GALNT6: variants seen among roughly 807,000 people sequenced by gnomAD.
The protein encoded by GALNT6 is polypeptide N-acetylgalactosaminyltransferase 6.
GALNT6 carries 51 observed loss-of-function variants against 65.9 expected under a neutral mutation model. That is an observed-to-expected ratio of 0.77 (90% confidence interval 0.62 to 0.98). The LOEUF (loss-of-function observed/expected upper bound fraction) is 0.98, where lower values mean the gene tolerates loss of function less well. Ranked by LOEUF, GALNT6 falls within the 50% of genes least tolerant of loss-of-function variation. GALNT6 has a pLI of 0.00. For missense variants in GALNT6, 708 were observed against 803.3 expected (o/e 0.88, Z 1.43); for synonymous variants, 323 against 315.1 (o/e 1.02, Z -0.26).
rs1946663486 is a variant in GALNT6 at position 51,353,456 on chromosome 12, GCCT to G, written c.*920_*922del. ...GCTGTCTTGGCTCACTGCAACCTCT[GCCT>G]CCTGGGTTCGAGTGATTCTCCTGCC... is the stretch of plus-strand genomic sequence containing the variant. On this transcript the variant is annotated 3_prime_UTR_variant, in exon 12 of 12. Transcript: ENST00000356317. 1 of 149,860 alleles carries G rather than the reference GCCT, an allele frequency of 6.7e-6. No homozygotes were observed. The highest frequency in any genetic ancestry group is 1.5e-5 in the Non-Finnish European group (1 of 67,838). 9.3% of individuals were successfully genotyped at this position (149,860 alleles called of 1,614,324 possible).
At chr12:51,390,400 G>A (rs1436833764) in intron 2 of GALNT6, among the ~76,000 whole-genome samples, 1 of 152,030 alleles carries the variant, frequency 6.6e-6, no homozygotes, top group Non-Finnish European at 1.5e-5. Flanking sequence ...CTGATCTCAG[G>A]TGATGCACCA....
At chr12:51,382,936 G>T (rs1239998436) in intron 2 of GALNT6, among the ~76,000 whole-genome samples, 1 of 152,166 alleles carries the variant, frequency 6.6e-6, no homozygotes, top group Non-Finnish European at 1.5e-5. Flanking sequence ...AATCTTATTG[G>T]AGAACGAGAA....
intron 4 of GALNT6, among the ~76,000 whole-genome samples, chr12:51,371,016 C>A (rs986982311): frequency 6.6e-6 from 1 of 151,410 alleles, no homozygotes; most frequent in Admixed American, 6.6e-5. Context: ...CGGTGGCTTA[C>A]GGAGGTCTCA....
intron 10 of GALNT6, among the ~76,000 whole-genome samples, chr12:51,357,001 C>T (rs2137537283): frequency 6.6e-6 from 1 of 152,248 alleles, no homozygotes; most frequent in South Asian, 2.1e-4. Flanking sequence ...GTGGTAGCTT[C>T]TGGGCAGAGG....
intron 4 of GALNT6, among the ~76,000 whole-genome samples, chr12:51,370,670 G>A (rs1044192389): frequency 6.6e-6 from 1 of 152,170 alleles, no homozygotes; most frequent in Non-Finnish European, 1.5e-5. Context: ...AAAGTAGAAG[G>A]GTGGTTGCCA....
intron 8 of GALNT6, among the ~76,000 whole-genome samples, chr12:51,358,712 C>G (rs922118073): frequency 6.6e-6 from 1 of 152,170 alleles, no homozygotes; most frequent in Non-Finnish European, 1.5e-5. Context: ...GTTAAAGATA[C>G]TGGCCCAGCC....
At chr12:51,368,381 CTT>C (rs1234453347) in intron 4 of GALNT6, among the ~76,000 whole-genome samples, 1 of 137,806 alleles carries the variant, frequency 7.3e-6, no homozygotes, top group Non-Finnish European at 1.5e-5. Flanking sequence ...CTTTTTCCTT[CTT>C]TTTTTTTCCA....
At chr12:51,368,443 C>T (rs1411768487) in intron 4 of GALNT6, among the ~76,000 whole-genome samples, 5 of 146,990 alleles carry the variant, frequency 3.4e-5, no homozygotes, top group African/African-American at 1.3e-4. Context: ...CTTACTCTGT[C>T]GCCCAGGCTG....
chr12:51,383,263 C>A (rs1324813136), intron 2 of GALNT6, among the ~76,000 whole-genome samples: 2 of 152,176 alleles, frequency 1.3e-5, no homozygotes, highest in Non-Finnish European at 2.9e-5. Context: ...AGTTCTGGAA[C>A]TGTCCCGGCT....
In GALNT6 at chr12:51,353,116, C is replaced by A. The variant is rs1463698634; in HGVS notation, c.*1263G>T. 6.6e-6 allele frequency: 1 copy of A among 152,212 alleles called. No homozygotes were observed. Among genetic ancestry groups the A allele is most frequent in the African/African-American group, 2.4e-5 (1 of 41,440 alleles). The allele number at this position is 152,212 out of a possible 1,614,324, so 9.4% of individuals were successfully genotyped here. ...CCCTGGCTCAGCATTGAAGAACGAG[C>A]CTCAGTCTTGGCTCCAGCCATCTGC... On this transcript the variant is annotated 3_prime_UTR_variant, in exon 12 of 12. Transcript: ENST00000356317.
intron 8 of GALNT6, among the ~76,000 whole-genome samples, chr12:51,358,547 C>T (rs766834984): frequency 8.5e-4 from 129 of 152,202 alleles, no homozygotes; most frequent in Non-Finnish European, 1.6e-3. Context: ...GTGATCTGCC[C>T]GCCTCGGCCT....
intron 2 of GALNT6, among the ~76,000 whole-genome samples, chr12:51,383,891 G>A (rs372879548): frequency 1.3e-5 from 2 of 152,244 alleles, no homozygotes; most frequent in Non-Finnish European, 1.5e-5. Context: ...AGTATGGTTA[G>A]CAAGGTCGTG....
intron 2 of GALNT6, among the ~76,000 whole-genome samples, chr12:51,389,535 A>G (rs1433518521): frequency 6.6e-6 from 1 of 152,228 alleles, no homozygotes; most frequent in African/African-American, 2.4e-5. Context: ...AGCTTTGCCA[A>G]AACACTTCAT....
At chr12:51,361,713 G>A (rs1171557524) in intron 6 of GALNT6, among the ~76,000 whole-genome samples, 2 of 152,154 alleles carry the variant, frequency 1.3e-5, no homozygotes, top group African/African-American at 2.4e-5. Flanking sequence ...ACCCGGGGAA[G>A]TATAAGCAAG....
Position 51,359,267 on chromosome 12 carries a change from G to T in GALNT6, c.1233C>A (p.Thr411=). 1 of 1,614,084 alleles carries T rather than the reference G, an allele frequency of 6.2e-7. No homozygotes were observed. Among genetic ancestry groups the T allele is most frequent in the Non-Finnish European group, 8.5e-7 (1 of 1,179,980 alleles). The part of the protein sequence containing the change: ...PCSVVGHVFR[T]KSPHTFPKGT... ...CCTTGGGGAAGGTGTGGGGGCTCTT[G>T]GTCCGGAACACATGGCCTACGACAG... The change falls in exon 8 of 12, where the codon ACC becomes ACA. Residue 411 remains threonine (T), a synonymous_variant. Transcript: ENST00000356317.
chr12:51,365,578 C>T lies in GALNT6; in HGVS notation c.666G>A (p.Glu222=), dbSNP rs780559906. 5 of 1,613,528 alleles carry T rather than the reference C, an allele frequency of 3.1e-6. No homozygotes were observed. The highest frequency in any genetic ancestry group is 3.4e-6 in the Non-Finnish European group (4 of 1,179,804). The change falls in exon 5 of 12, where the codon GAG becomes GAA. Residue 222 remains glutamate, a splice_region_variant and synonymous_variant. Transcript: ENST00000356317. ...IILVDDASTE[E]HLKEKLEQYV... is the part of the protein sequence containing the mutation. ...ACTGCTCCAGCTTCTCCTTTAGGTG[C>T]TCTGGAAGGGACAGTGTCATTGTGG...
At chr12:51,374,149 TG>T (rs1013694294) in intron 4 of GALNT6, among the ~76,000 whole-genome samples, 17 of 152,188 alleles carry the variant, frequency 1.1e-4, no homozygotes, top group Admixed American at 3.3e-4. Context: ...CATGAGCTAC[TG>T]TGCTTGGCCT....
At chr12:51,359,644 C>T (rs1284932498) in intron 7 of GALNT6, 6 of 239,908 alleles carry the variant, frequency 2.5e-5, no homozygotes, top group Admixed American at 1.7e-4. Flanking sequence ...TATACCTACT[C>T]TGAGCTCTGA....
intron 2 of GALNT6, among the ~76,000 whole-genome samples, chr12:51,389,876 C>T (rs934833932): frequency 3.6e-4 from 55 of 152,222 alleles, no homozygotes; most frequent in African/African-American, 1.3e-3. Context: ...CATGCTGCTA[C>T]AGGTAGGAGT....
Sources: gnomAD v4.1 joint callset for allele counts (sites outside exome capture counted in the v4.1 genomes callset) on GRCh38, gnomAD v4.1.1 for gene constraint, MANE v1.5 for transcripts, NCBI Gene and HGNC (gene_info 2026-07-23, HGNC 2026-07-21) for gene names.